The following SHPK variants were observed in gnomAD, a reference collection of about 807,000 sequenced individuals.
The protein encoded by SHPK is carbohydrate kinase-like protein.
SHPK carries 51 observed loss-of-function variants against 46.3 expected under a neutral mutation model. That is an observed-to-expected ratio of 1.10 (90% confidence interval 0.88 to 1.39). SHPK has a LOEUF of 1.39. SHPK is among the 40% of genes most tolerant of loss of function. SHPK has a pLI of 0.00. For missense variants in SHPK, 668 were observed against 641.3 expected, an observed-to-expected ratio of 1.04 and a Z score of -0.45; for synonymous variants, 290 against 273.9, an observed-to-expected ratio of 1.06 and a Z score of -0.58.
intron 1 of SHPK, among the ~76,000 whole-genome samples, chr17:3,631,288 G>A (rs567547014): frequency 6.6e-6 from 1 of 151,878 alleles, no homozygotes; most frequent in East Asian, 1.9e-4. Flanking sequence ...AGAGGAGCCA[G>A]GTGGCTATGC....
At chr17:3,627,693 A>G (rs1192370593) in intron 2 of SHPK, among the ~76,000 whole-genome samples, 3 of 151,270 alleles carry the variant, frequency 2.0e-5, no homozygotes, top group Non-Finnish European at 2.9e-5. Context: ...GCTCTTTCCA[A>G]CGATGTGGCT....
rs775905894 is a variant in SHPK at position 3,621,464 on chromosome 17, T to C, written c.648-52A>G. The C allele has an allele frequency of 7.1e-6, 11 of 1,547,426 alleles. No individual in the cohort carries two copies. The Admixed American group carries it at 1.3e-4, about 18-fold the overall frequency. On this transcript the variant is annotated intron_variant, in intron 4 of 6. Coordinates refer to ENST00000225519, the MANE Select transcript of SHPK (RefSeq NM_013276.4). ...TGGACCCACAGTTAGGTTTCGGGAA[T>C]TTAAGGGATCCTTCCTTCCTTCCTC...
At chr17:3,635,256 G>GAAGGAAGGGAAGGAAGGA in intron 1 of SHPK, among the ~76,000 whole-genome samples, 4 of 108,512 alleles carry the variant, frequency 3.7e-5, no homozygotes, top group Middle Eastern at 5.7e-3. Context: ...GGAAGGAAGG[G>GAAGGAAGGGAAGGAAGGA]AAGGAGTCTC....
intron 2 of SHPK, among the ~76,000 whole-genome samples, chr17:3,628,524 T>C (rs532482266): frequency 2.0e-5 from 3 of 152,154 alleles, no homozygotes; most frequent in Non-Finnish European, 4.4e-5. Context: ...GGTTTCACCA[T>C]GTTGGCCAGG....
Position 3,633,701 on chromosome 17 carries a change from C to T in SHPK, c.168+2351G>A, listed in dbSNP as rs975217433. Among the ~76,000 whole-genome samples the T allele has an allele frequency of 3.9e-5, 6 of 152,098 alleles. 1 individual carries two copies. The highest frequency in any genetic ancestry group is 4.8e-5 in the African/African-American group (2 of 41,404). ...GGCAGAAAAGTTTTCAAGAAGTGGC[C>T]GTGCTGCCGCCCCTACTGGGAAGTG... On this transcript the variant is annotated intron_variant, in intron 1 of 6. Transcript: ENST00000225519.
intron 1 of SHPK, 36 bp from the exon 2 acceptor site, chr17:3,630,382 C>T (rs1161775192): frequency 1.3e-6 from 2 of 1,577,438 alleles, no homozygotes; most frequent in Admixed American, 3.5e-5. Context: ...CAGGGGCAGA[C>T]ACACAGGCAG....
At chr17:3,611,598 A>G (rs1468859006) in intron 6 of SHPK, among the ~76,000 whole-genome samples, 1 of 151,990 alleles carries the variant, frequency 6.6e-6, no homozygotes, top group Non-Finnish European at 1.5e-5. Context: ...AACTATCATC[A>G]TGGATGTCAT....
At chr17:3,635,228 A>AG (rs967826411) in intron 1 of SHPK, among the ~76,000 whole-genome samples, 1 of 131,326 alleles carries the variant, frequency 7.6e-6, no homozygotes, top group African/African-American at 2.6e-5. Flanking sequence ...GAAGGAAGGA[A>AG]GGAAGGAAGG....
chr17:3,612,755 T>C (rs1197965042), intron 6 of SHPK, among the ~76,000 whole-genome samples: 1 of 3,922 alleles, frequency 2.5e-4, no homozygotes, highest in Middle Eastern at 0.05. Flanking sequence ...TCAGGGATCT[T>C]TTTTTTTTTT....
At chr17:3,613,694 A>T (rs1172779955) in intron 6 of SHPK, among the ~76,000 whole-genome samples, 2 of 152,070 alleles carry the variant, frequency 1.3e-5, no homozygotes, top group African/African-American at 4.8e-5. Context: ...TCATGTGCTT[A>T]TCTTTCTTTA....
intron 2 of SHPK, among the ~76,000 whole-genome samples, chr17:3,625,919 A>G (rs990846538): frequency 8.5e-5 from 13 of 152,196 alleles, no homozygotes; most frequent in Middle Eastern, 3.4e-3. Context: ...CAGGTGTGGT[A>G]GCGGGTGCCT....
chr17:3,624,937 G>A (rs569737016), intron 2 of SHPK, among the ~76,000 whole-genome samples: 1 of 152,276 alleles, frequency 6.6e-6, no homozygotes, highest in African/African-American at 2.4e-5. Flanking sequence ...TTACAGGCAT[G>A]AGCCACCGCA....
intron 2 of SHPK, among the ~76,000 whole-genome samples, chr17:3,628,066 C>T (rs2075448529): frequency 6.6e-6 from 1 of 151,920 alleles, no homozygotes; most frequent in Non-Finnish European, 1.5e-5. Flanking sequence ...AACGGTGCAT[C>T]ACCAAATGCC....
chr17:3,627,535 T>C (rs2075445380), intron 2 of SHPK, among the ~76,000 whole-genome samples: 1 of 152,112 alleles, frequency 6.6e-6, no homozygotes, highest in South Asian at 2.1e-4. Context: ...AAGGCTGCCA[T>C]TAAAATCGAC....
intron 1 of SHPK, among the ~76,000 whole-genome samples, chr17:3,632,246 C>T (rs994688970): frequency 2.0e-5 from 3 of 152,208 alleles, no homozygotes; most frequent in Admixed American, 6.5e-5. Context: ...TGAGCCACCG[C>T]GCCTGGCCTG....
In SHPK at chr17:3,619,178, T is replaced by C. The variant is rs1378281429; in HGVS notation, c.823+2059A>G. ...GATGATGCCTTAAGAACAACTCAAT[T>C]TGTTCACGTAAATTGCCTTCAGCCT... On this transcript the variant is annotated intron_variant, in intron 5 of 6. Transcript: ENST00000225519. 9.7e-5 allele frequency: 41 copies of C among 421,766 alleles called. No homozygotes were observed. In the South Asian group the frequency reaches 1.0e-3, roughly 11 times the overall value. 26.1% of individuals were successfully genotyped at this position (421,766 alleles called of 1,614,324 possible).
intron 2 of SHPK, 129 bp from the exon 3 acceptor site, chr17:3,624,360 T>C (rs1014242950): frequency 1.1e-5 from 9 of 845,122 alleles, no homozygotes; most frequent in Non-Finnish European, 1.6e-5. Context: ...CTGGCACACC[T>C]ATGGGTCCTG....
chr17:3,623,105 T>C (rs559697243), intron 4 of SHPK, among the ~76,000 whole-genome samples: 73 of 152,298 alleles, frequency 4.8e-4, no homozygotes, highest in Admixed American at 1.1e-3. Flanking sequence ...TCTGGGCGGC[T>C]GTGGAGGAGC....
chr17:3,619,732 CAAA>C (rs878862356), intron 5 of SHPK: 448 of 286,116 alleles, frequency 1.6e-3, no homozygotes, highest in South Asian at 2.5e-3. Flanking sequence ...GACTCCATCT[CAAA>C]AAAAAAAAAA....
Sources: allele counts gnomAD v4.1 joint callset (sites outside exome capture counted in the v4.1 genomes callset), GRCh38; gene constraint gnomAD v4.1.1; transcripts MANE v1.5; gene names NCBI Gene and HGNC (gene_info 2026-07-23, HGNC 2026-07-21).